PUS7L: variants seen among roughly 807,000 people sequenced by gnomAD.
The protein encoded by PUS7L is pseudouridylate synthase PUS7L.
In PUS7L, 49 loss-of-function variants were observed where a neutral mutation model predicts 51.1. The observed-to-expected ratio is 0.96, with a 90% CI of 0.76 to 1.22. The LOEUF is 1.22. Ranked by LOEUF, PUS7L falls within the 50% of genes most tolerant of loss-of-function variation. The pLI, the probability that PUS7L is intolerant of heterozygous loss-of-function variation, is 0.00. For synonymous variants in PUS7L, 277 were observed against 276.2 expected, an observed-to-expected ratio of 1.00 and a Z score of -0.03; for missense variants, 828 against 820.6, an observed-to-expected ratio of 1.01 and a Z score of -0.11.
intron 6 of PUS7L, chr12:43,738,073 T>C (rs1293553967): frequency 2.8e-6 from 1 of 362,410 alleles, no homozygotes; most frequent in Non-Finnish European, 4.9e-6. Flanking sequence ...ACTAAGAAAC[T>C]ATTTCTCCCA....
chr12:43,746,370 A>G (rs962008698), intron 3 of PUS7L, 132 bp from the exon 4 acceptor site: 4 of 514,142 alleles, frequency 7.8e-6, no homozygotes, highest in East Asian at 3.3e-5. Flanking sequence ...AGAATATTCT[A>G]AAGTTAATGT....
chr12:43,731,155 T>G (rs1944545043), intron 8 of PUS7L, among the ~76,000 whole-genome samples: 1 of 152,244 alleles, frequency 6.6e-6, no homozygotes, highest in African/African-American at 2.4e-5. Context: ...AATGTTTATT[T>G]TCTTAGCTGC....
chr12:43,727,862 A>C lies in PUS7L; in HGVS notation c.*2514T>G, dbSNP rs555208992. 2.6e-5 allele frequency: 4 copies of C among 152,254 alleles called. No homozygotes were observed. The highest frequency in any genetic ancestry group is 9.6e-5 in the African/African-American group (4 of 41,546). The allele number at this position is 152,254 out of a possible 1,614,324, so 9.4% of individuals were successfully genotyped here. On this transcript the variant is annotated 3_prime_UTR_variant, in exon 9 of 9. Coordinates refer to ENST00000344862, the MANE Select transcript of PUS7L (RefSeq NM_031292.5). ...AAAGTTGGAAGAAAAAATAAAAATA[A>C]AGCAAAACTTTGGAAATGGGGCTAT...
intron 7 of PUS7L, among the ~76,000 whole-genome samples, chr12:43,734,141 C>T (rs1324611958): frequency 6.6e-6 from 1 of 152,168 alleles, no homozygotes; most frequent in Admixed American, 6.5e-5. Flanking sequence ...GCAGTTCACA[C>T]TTTCTGGTTT....
At position 43,730,616 on chromosome 12, in the gene PUS7L, T is replaced by C. The variant is rs1944530024; in HGVS notation, c.1866A>G (p.Gly622=). ...GTACTTTAAACCTACATGTCTGTAG[T>C]CCATCTCTGCTAAGTATGTCATGGT... ...QWYHDILSRD[G]LQTCRFKVPT... is the part of the protein sequence containing the mutation. Residue 622 remains glycine, a synonymous_variant, in exon 9 of 9, where the codon GGA becomes GGG. Coordinates refer to ENST00000344862, the MANE Select transcript of PUS7L (RefSeq NM_031292.5). The C allele has an allele frequency of 1.2e-6, 2 of 1,613,530 alleles. No homozygotes were observed. Among genetic ancestry groups the C allele is most frequent in the African/African-American group, 1.3e-5 (1 of 74,906 alleles).
At position 43,746,065 on chromosome 12, in the gene PUS7L, T is replaced by A. The variant is rs747507151; in HGVS notation, c.1244A>T (p.Glu415Val). 1.3e-6 allele frequency: 2 copies of A among 1,498,186 alleles called. No individual in the cohort carries two copies. The highest frequency in any genetic ancestry group is 1.8e-6 in the Non-Finnish European group (2 of 1,089,288). The allele number at this position is 1,498,186 out of a possible 1,614,324, so 92.8% of individuals were successfully genotyped here. ...DSANLRERIM[E>V]AIENVKKKGF... ...TCTTACCTTAACATTTTCTATTGCTTCCATAATTCTCTCCCTCAGGTTTGC... is the reference window on the plus strand; with the variant it reads ...TCTTACCTTAACATTTTCTATTGCTACCATAATTCTCTCCCTCAGGTTTGC... Residue 415 changes from glutamate (E) to valine (V), a missense_variant, in exon 4 of 9, where the codon GAA (glutamate) becomes GTA (valine). Glu to Val is a moderately radical substitution (Grantham distance 121, BLOSUM62 -2). Transcript: ENST00000344862.
rs1402686175 is a variant in PUS7L, at chr12:43,719,590, C to T, written c.*10786G>A. The T allele has an allele frequency of 1.3e-5, 2 of 151,888 alleles. No individual in the cohort carries two copies. Among genetic ancestry groups the T allele is most frequent in the Non-Finnish European group, 2.9e-5 (2 of 68,022 alleles). The allele number at this position is 151,888 out of a possible 1,614,324, so 9.4% of individuals were successfully genotyped here. A position where few individuals can be genotyped will look rare whatever the true frequency, so the allele number is the denominator to read the frequency against. On this transcript the variant is annotated 3_prime_UTR_variant, in exon 9 of 9. Transcript: ENST00000344862. ...GTCTAGTAGAACCAACCATTGAACA[C>T]ATCTGGCCCTGACCTTCCCTATATG... is the stretch of plus-strand genomic sequence containing the variant.
chr12:43,736,815 T>TA (rs1204050223), intron 6 of PUS7L, 154 bp from the exon 7 acceptor site: 14 of 581,702 alleles, frequency 2.4e-5, no homozygotes, highest in South Asian at 9.2e-5. Context: ...TGAAGAGCTT[T>TA]AAAAAAAATA....
chr12:43,723,832 C>T lies in PUS7L; in HGVS notation c.*6544G>A, dbSNP rs1191450675. On this transcript the variant is annotated 3_prime_UTR_variant, in exon 9 of 9. Transcript: ENST00000344862. ...GAAAGCAAAATCTATTAACACAGGC[C>T]CTAAACTTTAAACTAGTTATCCTAG... is the stretch of plus-strand genomic sequence containing the variant. The T allele has an allele frequency of 1.3e-5, 2 of 151,830 alleles. No individual in the cohort carries two copies. The highest frequency in any genetic ancestry group is 1.9e-4 in the East Asian group (1 of 5,174). The allele number at this position is 151,830 out of a possible 1,614,324, so 9.4% of individuals were successfully genotyped here.
rs1489992950 is a variant in PUS7L, at chr12:43,755,250, C to T, written c.-5G>A. 2 of 1,562,078 alleles carry T rather than the reference C, an allele frequency of 1.3e-6. No individual in the cohort carries two copies. The highest frequency in any genetic ancestry group is 1.9e-5 in the Admixed American group (1 of 51,408). ...ATAATCTGTATCTTCTTCCATTCTT[C>T]TATAACAGTGCCTAGAAAACAAAAC... On this transcript the variant is annotated 5_prime_UTR_variant, in exon 2 of 9. Coordinates refer to ENST00000344862, the MANE Select transcript of PUS7L (RefSeq NM_031292.5).
At chr12:43,752,682 T>C (rs1260999400) in intron 2 of PUS7L, among the ~76,000 whole-genome samples, 1 of 152,194 alleles carries the variant, frequency 6.6e-6, no homozygotes, top group East Asian at 1.9e-4. Flanking sequence ...TAGAGTTGTC[T>C]AATCCATAGA....
chr12:43,743,320 C>T (rs1379156857), intron 4 of PUS7L, among the ~76,000 whole-genome samples: 6 of 152,192 alleles, frequency 3.9e-5, no homozygotes, highest in Non-Finnish European at 8.8e-5. Flanking sequence ...CAAGAGTCCT[C>T]CACACTTACT....
intron 5 of PUS7L, chr12:43,739,807 G>T (rs1204562206): frequency 1.3e-5 from 2 of 152,156 alleles, no homozygotes; most frequent in African/African-American, 4.8e-5. Context: ...AAAAGATAAA[G>T]AGAGACATAA....
chr12:43,752,288 G>A (rs906112797), intron 2 of PUS7L, among the ~76,000 whole-genome samples: 1 of 152,206 alleles, frequency 6.6e-6, no homozygotes, highest in Non-Finnish European at 1.5e-5. Flanking sequence ...CCAAAGGGCT[G>A]TTTTGAGTAT....
intron 7 of PUS7L, among the ~76,000 whole-genome samples, chr12:43,733,304 C>A (rs73280404): frequency 0.011 from 1,674 of 152,260 alleles, 31 homozygotes; most frequent in African/African-American, 0.038. Context: ...ATATTACATG[C>A]CCCATATACC....
chr12:43,752,486 C>T (rs1345658248), intron 2 of PUS7L, among the ~76,000 whole-genome samples: 1 of 152,206 alleles, frequency 6.6e-6, no homozygotes, highest in Non-Finnish European at 1.5e-5. Context: ...CATTATATCC[C>T]ATCCACTGGC....
At chr12:43,746,874 T>A (rs536295244) in intron 3 of PUS7L, among the ~76,000 whole-genome samples, 1 of 152,358 alleles carries the variant, frequency 6.6e-6, no homozygotes, top group South Asian at 2.1e-4. Flanking sequence ...TTACTTGAAG[T>A]GTAATTAAAA....
Position 43,726,511 on chromosome 12 carries a change from AG to A in PUS7L, c.*3864del, listed in dbSNP as rs1250694549. 1 of 152,176 alleles carries A rather than the reference AG, an allele frequency of 6.6e-6. No homozygotes were observed. The highest frequency in any genetic ancestry group is 2.4e-5 in the African/African-American group (1 of 41,436). The allele number at this position is 152,176 out of a possible 1,614,324, so 9.4% of individuals were successfully genotyped here. On this transcript the variant is annotated 3_prime_UTR_variant, in exon 9 of 9. Transcript: ENST00000344862. ...CAAAGATATCATGACAGACTCCAAA[AG>A]CAACTGGAACAAAGCCAATAATTGA...
intron 4 of PUS7L, among the ~76,000 whole-genome samples, chr12:43,744,622 T>C (rs1315567955): frequency 6.6e-6 from 1 of 152,216 alleles, no homozygotes; most frequent in East Asian, 1.9e-4. Flanking sequence ...AAAGAGTATA[T>C]AATCAGATAA....
Sources: gnomAD v4.1 joint callset for allele counts (sites outside exome capture counted in the v4.1 genomes callset) on GRCh38, gnomAD v4.1.1 for gene constraint, MANE v1.5 for transcripts, NCBI Gene and HGNC (gene_info 2026-07-23, HGNC 2026-07-21) for gene names.